ADAMTS17: variants seen among roughly 807,000 people sequenced by gnomAD.
ADAMTS17 encodes the protein ADAM metallopeptidase with thrombospondin type 1 motif 17.
Under a neutral mutation model 141.5 loss-of-function variants are expected in ADAMTS17, and 113 were observed. The ratio of observed to expected loss-of-function variants is 0.80; its 90% CI spans 0.69 to 0.93. ADAMTS17 has a LOEUF of 0.93. Among genes scored for constraint, ADAMTS17 ranks in the 40% least tolerant of loss-of-function variants. The probability of loss-of-function intolerance (pLI) is 0.00; values close to 1 mark genes in which losing one functional copy is unlikely to be tolerated. For synonymous variants in ADAMTS17, 768 were observed against 630.6 expected (o/e 1.22, Z -3.27); for missense variants, 1,659 against 1,517.9 (o/e 1.09, Z -1.54).
intron 15 of ADAMTS17, among the ~76,000 whole-genome samples, chr15:100,088,186 A>T (rs1477285606): frequency 6.6e-6 from 1 of 152,208 alleles, no homozygotes; most frequent in South Asian, 2.1e-4. Context: ...GCATTCTTAT[A>T]CACCAATAAC....
intron 18 of ADAMTS17, among the ~76,000 whole-genome samples, chr15:100,014,788 C>T (rs549734091): frequency 6.6e-6 from 1 of 152,176 alleles, no homozygotes; most frequent in Non-Finnish European, 1.5e-5. Context: ...ACCATACGGT[C>T]TATCTTGGAG....
chr15:100,073,314 A>G (rs574372681), intron 15 of ADAMTS17, among the ~76,000 whole-genome samples: 414 of 152,314 alleles, frequency 2.7e-3, no homozygotes, highest in African/African-American at 6.8e-3. Context: ...CACTGCTGGT[A>G]GGACTGTAAA....
At chr15:100,097,450 C>T (rs757220686) in intron 14 of ADAMTS17, among the ~76,000 whole-genome samples, 43 of 152,304 alleles carry the variant, frequency 2.8e-4, no homozygotes, top group African/African-American at 4.8e-4. Context: ...GATGCCTGGA[C>T]GAGAAGCAGC....
intron 15 of ADAMTS17, among the ~76,000 whole-genome samples, chr15:100,064,216 G>A (rs575267923): frequency 3.9e-5 from 6 of 152,258 alleles, no homozygotes; most frequent in Admixed American, 2.6e-4. Context: ...GCCAAGGAAC[G>A]CCACAGACTG....
chr15:100,140,133 C>CTA (rs1205581954), intron 10 of ADAMTS17, among the ~76,000 whole-genome samples: 1 of 151,970 alleles, frequency 6.6e-6, no homozygotes, highest in Non-Finnish European at 1.5e-5. Flanking sequence ...GTAGCTGGGA[C>CTA]TACAGGCATG....
chr15:100,334,917 T>A (rs1413247533), intron 2 of ADAMTS17, among the ~76,000 whole-genome samples: 1 of 152,184 alleles, frequency 6.6e-6, no homozygotes, highest in East Asian at 1.9e-4. Flanking sequence ...TTTCTGAGGC[T>A]TGCCATGGTC....
chr15:99,974,595 A>C lies in ADAMTS17; in HGVS notation c.3128-33T>G, dbSNP rs746100007. The stretch of plus-strand genomic sequence containing the variant: ...GATAGGAGAGAGAATACCCAGGGTC[A>C]GGGATGGCCTAGGCATGTCCTGATG... On this transcript the variant is annotated intron_variant, in intron 21 of 21. Coordinates refer to ENST00000268070, the MANE Select transcript of ADAMTS17 (RefSeq NM_139057.4). 2.5e-6 allele frequency: 4 copies of C among 1,614,068 alleles called. No homozygotes were observed. In the South Asian group the frequency reaches 4.4e-5, roughly 18 times the overall value.
At chr15:100,062,445 G>A (rs948971670) in intron 15 of ADAMTS17, among the ~76,000 whole-genome samples, 8 of 152,204 alleles carry the variant, frequency 5.3e-5, no homozygotes, top group Non-Finnish European at 7.3e-5. Flanking sequence ...GCATCTTAGC[G>A]TCAAAGCATT....
chr15:100,023,407 G>A (rs1297842180), intron 18 of ADAMTS17, among the ~76,000 whole-genome samples: 1 of 151,772 alleles, frequency 6.6e-6, no homozygotes, highest in East Asian at 1.9e-4. Flanking sequence ...GGCGTTTCAC[G>A]TTGGTCAGGC....
Position 100,029,830 on chromosome 15 carries a change from A to G in ADAMTS17, c.2591+19027T>C, listed in dbSNP as rs557462933. ...AATGTCAAGGGACCTTCGTTACTAT[A>G]TGCTGGTGGTTCTCAATGCAGTCCC... On this transcript the variant is annotated intron_variant, in intron 18 of 21. Coordinates refer to ENST00000268070, the MANE Select transcript of ADAMTS17 (RefSeq NM_139057.4). 1.4e-4 allele frequency among the ~76,000 whole-genome samples: 21 copies of G among 152,296 alleles called. No individual in the cohort carries two copies. The South Asian group carries it at 1.9e-3, about 14-fold the overall frequency.
At position 100,199,735 on chromosome 15, in the gene ADAMTS17, ACT is replaced by A. The variant is rs1596256404; in HGVS notation, c.1076-314_1076-313del. 5.3e-5 allele frequency among the ~76,000 whole-genome samples: 8 copies of A among 152,086 alleles called. 1 individual carries two copies. The highest frequency in any genetic ancestry group is 1.9e-4 in the East Asian group (1 of 5,152). On this transcript the variant is annotated intron_variant, in intron 7 of 21. Transcript: ENST00000268070. ...AACTGAGGTTTGGAAAGGAAAGGTA[ACT>A]CTCCCAAGGTCACCTGGATGGGCAC... is the stretch of plus-strand genomic sequence containing the variant.
At chr15:100,296,407 CT>C in intron 3 of ADAMTS17, among the ~76,000 whole-genome samples, 1 of 151,678 alleles carries the variant, frequency 6.6e-6, no homozygotes, top group South Asian at 2.1e-4. Context: ...GCATAATGGC[CT>C]TCTCTTTCTT....
At chr15:100,101,424 C>T (rs1049234382) in intron 14 of ADAMTS17, among the ~76,000 whole-genome samples, 13 of 152,196 alleles carry the variant, frequency 8.5e-5, no homozygotes, top group Non-Finnish European at 1.8e-4. Context: ...GGAATGTGAT[C>T]AACAAATACC....
chr15:100,300,493 C>A (rs1327602260), intron 3 of ADAMTS17, among the ~76,000 whole-genome samples: 2 of 152,140 alleles, frequency 1.3e-5, no homozygotes, highest in East Asian at 3.9e-4. Flanking sequence ...TTTCCAATGC[C>A]CCCACTGGAT....
rs560103090 is a variant in ADAMTS17, at chr15:100,154,553, G to T, written c.1322+627C>A. 9.8e-5 allele frequency among the ~76,000 whole-genome samples: 15 copies of T among 152,314 alleles called. No homozygotes were observed. The South Asian group carries it at 3.1e-3, about 32-fold the overall frequency. On this transcript the variant is annotated intron_variant, in intron 9 of 21. Transcript: ENST00000268070. Reference sequence around the variant, plus strand: ...TAGCTCAGTGACCAGGGCCTGCACAGTCACTCTGTAAACCCAACCCTGAGG... The same window carrying T: ...TAGCTCAGTGACCAGGGCCTGCACATTCACTCTGTAAACCCAACCCTGAGG...
At chr15:100,097,160 C>A (rs962210425) in intron 14 of ADAMTS17, among the ~76,000 whole-genome samples, 2 of 152,154 alleles carry the variant, frequency 1.3e-5, no homozygotes, top group East Asian at 3.8e-4. Flanking sequence ...GTTTTGGACT[C>A]TTTTTTTCTT....
intron 8 of ADAMTS17, among the ~76,000 whole-genome samples, chr15:100,189,264 T>C (rs1056452391): frequency 2.0e-5 from 3 of 152,198 alleles, no homozygotes; most frequent in African/African-American, 4.8e-5. Context: ...GAGTTTTAGG[T>C]GAAAATTGTT....
intron 8 of ADAMTS17, among the ~76,000 whole-genome samples, chr15:100,155,693 G>T (rs1354594074): frequency 6.6e-6 from 1 of 152,182 alleles, no homozygotes; most frequent in African/African-American, 2.4e-5. Context: ...TGGTGTTTCT[G>T]TTCCTTAGAG....
chr15:100,132,263 T>A, intron 11 of ADAMTS17, 111 bp from the exon 12 acceptor site: 3 of 1,418,376 alleles, frequency 2.1e-6, no homozygotes, highest in Non-Finnish European at 1.9e-6. Context: ...TAAATTTACA[T>A]AAAGGTACAG....
Sources: gnomAD v4.1 joint callset for allele counts (sites outside exome capture counted in the v4.1 genomes callset) on GRCh38, gnomAD v4.1.1 for gene constraint, MANE v1.5 for transcripts, NCBI Gene and HGNC (gene_info 2026-07-23, HGNC 2026-07-21) for gene names.